VPS53: variants seen among roughly 807,000 people sequenced by gnomAD.
VPS53 encodes VPS53 subunit of GARP complex.
Under a neutral mutation model 107.0 loss-of-function variants are expected in VPS53, and 70 were observed. The observed-to-expected ratio is 0.65, with a 90% CI of 0.54 to 0.80. VPS53 has a LOEUF of 0.80. Ranked by LOEUF, VPS53 falls within the 30% of genes least tolerant of loss-of-function variation. The pLI is 0.00. For missense variants in VPS53, 917 were observed against 1,049.4 expected, an observed-to-expected ratio of 0.87 and a Z score of 1.74; for synonymous variants, 409 against 393.3, an observed-to-expected ratio of 1.04 and a Z score of -0.47.
At chr17:714,136 C>T (rs1973756901) in intron 1 of VPS53, 1 of 154,540 alleles carries the variant, frequency 6.5e-6, no homozygotes, top group African/African-American at 2.4e-5. Flanking sequence ...GGTAGGAATT[C>T]TCAACCTTTT....
intron 5 of VPS53, among the ~76,000 whole-genome samples, chr17:656,343 C>T (rs984875028): frequency 6.6e-6 from 1 of 152,184 alleles, no homozygotes; most frequent in African/African-American, 2.4e-5. Context: ...AAACACCTAT[C>T]AGTCAGTACT....
intron 2 of VPS53, among the ~76,000 whole-genome samples, chr17:701,387 A>C (rs888253387): frequency 1.3e-5 from 2 of 151,736 alleles, no homozygotes; most frequent in African/African-American, 4.8e-5. Flanking sequence ...ATATACATAT[A>C]TTTTTGTGTG....
At chr17:653,245 C>T (rs60631479) in intron 7 of VPS53, 46 bp downstream of exon 7, 5 of 1,525,834 alleles carry the variant, frequency 3.3e-6, no homozygotes, top group East Asian at 2.2e-5. Flanking sequence ...GGAAAGCTGC[C>T]GGATCTGCGG....
At chr17:653,534 C>A in intron 6 of VPS53, 124 bp from the exon 7 acceptor site, 2 of 1,444,132 alleles carry the variant, frequency 1.4e-6, no homozygotes, top group African/African-American at 1.4e-5. Context: ...TCGCTGAGCA[C>A]TGAGTATATA....
At chr17:546,122 A>T (rs552016505) in intron 17 of VPS53, among the ~76,000 whole-genome samples, 10 of 152,244 alleles carry the variant, frequency 6.6e-5, no homozygotes, top group Non-Finnish European at 8.8e-5. Flanking sequence ...TCGTTTCAAC[A>T]AATAGTGCTG....
chr17:534,479 G>A (rs771110542), intron 18 of VPS53, among the ~76,000 whole-genome samples: 35 of 152,200 alleles, frequency 2.3e-4, no homozygotes, highest in Non-Finnish European at 4.8e-4. Context: ...GGTGGCTTGT[G>A]ATCAGGAAGG....
At chr17:534,748 T>A (rs1361140033) in intron 18 of VPS53, among the ~76,000 whole-genome samples, 1 of 151,906 alleles carries the variant, frequency 6.6e-6, no homozygotes, top group Non-Finnish European at 1.5e-5. Flanking sequence ...CAAAATCTCA[T>A]CTCTACAAAA....
chr17:529,384 TCACACACACACACTCA>T (rs984712032), intron 19 of VPS53, among the ~76,000 whole-genome samples: 1 of 117,358 alleles, frequency 8.5e-6, no homozygotes, highest in Non-Finnish European at 1.7e-5. Context: ...GCATATCAAT[TCACACACACACACTCA>T]CACACACACA....
intron 2 of VPS53, among the ~76,000 whole-genome samples, chr17:701,071 C>G (rs894374580): frequency 6.6e-6 from 1 of 152,104 alleles, no homozygotes; most frequent in Admixed American, 6.6e-5. Context: ...TGCCTGTAAT[C>G]CCAGCACTTT....
At chr17:689,648 AT>A (rs1008371751) in intron 4 of VPS53, among the ~76,000 whole-genome samples, 1 of 151,622 alleles carries the variant, frequency 6.6e-6, no homozygotes, top group African/African-American at 2.4e-5. Context: ...TAATTTTTGT[AT>A]TTTTAGTAAA....
intron 17 of VPS53, among the ~76,000 whole-genome samples, chr17:546,053 A>T (rs1911157587): frequency 6.6e-6 from 1 of 152,216 alleles, no homozygotes; most frequent in African/African-American, 2.4e-5. Flanking sequence ...AATCCCACAC[A>T]TCTATGGTTA....
At chr17:572,134 T>C (rs930402674) in intron 13 of VPS53, among the ~76,000 whole-genome samples, 5 of 145,492 alleles carry the variant, frequency 3.4e-5, no homozygotes, top group Non-Finnish European at 6.1e-5. Flanking sequence ...ATCTAGGAAG[T>C]GAGGAGCGTC....
chr17:595,686 CT>C (rs1293178277), intron 12 of VPS53, among the ~76,000 whole-genome samples: 1 of 137,670 alleles, frequency 7.3e-6, no homozygotes, highest in Non-Finnish European at 1.6e-5. Flanking sequence ...AGTGCCCCCC[CT>C]GGAGGAAGCT....
chr17:619,533 G>A (rs1417689827), intron 11 of VPS53, among the ~76,000 whole-genome samples: 3 of 133,898 alleles, frequency 2.2e-5, no homozygotes, highest in Admixed American at 1.6e-4. Context: ...ACCACACCCC[G>A]CTAATATTTC....
chr17:713,644 T>A (rs1397305675), intron 1 of VPS53, among the ~76,000 whole-genome samples: 2 of 150,978 alleles, frequency 1.3e-5, no homozygotes, highest in African/African-American at 4.9e-5. Flanking sequence ...AGAGCGAGAC[T>A]CCGTCTCAGA....
At chr17:551,669 T>C in intron 17 of VPS53, 1 of 391,888 alleles carries the variant, frequency 2.6e-6, no homozygotes. Flanking sequence ...TGTGATGCTC[T>C]GTCTCATTCT....
At chr17:678,541 A>G (rs1972254168) in intron 4 of VPS53, among the ~76,000 whole-genome samples, 1 of 151,410 alleles carries the variant, frequency 6.6e-6, no homozygotes, top group African/African-American at 2.4e-5. Flanking sequence ...ATCTCGGCTC[A>G]CTACAACCTC....
At chr17:662,098 C>A (rs1359169189) in intron 4 of VPS53, among the ~76,000 whole-genome samples, 1 of 152,168 alleles carries the variant, frequency 6.6e-6, no homozygotes, top group Non-Finnish European at 1.5e-5. Flanking sequence ...GGACTCTTAC[C>A]AATGTTCCTC....
intron 11 of VPS53, among the ~76,000 whole-genome samples, chr17:604,798 G>T (rs983618344): frequency 1.3e-5 from 2 of 152,182 alleles, no homozygotes; most frequent in African/African-American, 4.8e-5. Context: ...TCACTCATTT[G>T]TGGCACATGC....
Sources: allele counts gnomAD v4.1 joint callset (sites outside exome capture counted in the v4.1 genomes callset), GRCh38; gene constraint gnomAD v4.1.1; transcripts MANE v1.5; gene names NCBI Gene and HGNC (gene_info 2026-07-23, HGNC 2026-07-21).